CCDC171: variants seen among roughly 807,000 people sequenced by gnomAD.
CCDC171 encodes the protein coiled-coil domain containing 171.
Under a neutral mutation model 168.2 loss-of-function variants are expected in CCDC171, and 177 were observed. The observed-to-expected ratio is 1.05, with a 90% CI of 0.93 to 1.19. The LOEUF is 1.19. CCDC171 is among the 50% of genes most tolerant of loss of function. CCDC171 has a pLI of 0.00. For missense variants in CCDC171, 1,991 were observed against 1,539.0 expected (o/e 1.29, Z -4.91); for synonymous variants, 687 against 540.8 (o/e 1.27, Z -3.75).
chr9:16,088,229 A>T, the CCDC171 span, among the ~76,000 whole-genome samples: 1 of 152,230 alleles, frequency 6.6e-6, no homozygotes, highest in African/African-American at 2.4e-5. Context: ...ATCTCAAAAT[A>T]ATAAGAGCTG....
downstream of CCDC171, among the ~76,000 whole-genome samples, chr9:16,065,365 G>A (rs891934912): frequency 4.6e-5 from 7 of 152,002 alleles, no homozygotes; most frequent in Non-Finnish European, 1.0e-4. Context: ...AAGCTTGTGG[G>A]CCAGCACCTC....
intron 9 of CCDC171, among the ~76,000 whole-genome samples, chr9:15,671,431 G>A (rs1197333876): frequency 5.3e-5 from 8 of 151,916 alleles, no homozygotes; most frequent in Non-Finnish European, 8.8e-5. Context: ...CATGTGCCAC[G>A]TTGGTTTGCT....
chr9:15,584,014 C>G (rs896837561), intron 4 of CCDC171, among the ~76,000 whole-genome samples: 2 of 152,078 alleles, frequency 1.3e-5, no homozygotes, highest in Admixed American at 1.3e-4. Context: ...TTACAGGTGC[C>G]CACCACCACG....
chr9:15,970,508 C>A (rs972867136), intron 25 of CCDC171, among the ~76,000 whole-genome samples: 1 of 151,840 alleles, frequency 6.6e-6, no homozygotes, highest in Non-Finnish European at 1.5e-5. Flanking sequence ...AAAATTATGT[C>A]ATACAATTGA....
intron 16 of CCDC171, among the ~76,000 whole-genome samples, chr9:15,739,622 ATAT>A (rs1481780770): frequency 6.6e-6 from 1 of 152,232 alleles, no homozygotes; most frequent in Non-Finnish European, 1.5e-5. Context: ...AAGCACTATA[ATAT>A]TCAAACTATT....
At chr9:15,601,058 G>A (rs1294669518) in intron 6 of CCDC171, among the ~76,000 whole-genome samples, 4 of 152,192 alleles carry the variant, frequency 2.6e-5, no homozygotes, top group Non-Finnish European at 5.9e-5. Context: ...CTAGGAAAGG[G>A]AATTCCCTGA....
intron 9 of CCDC171, among the ~76,000 whole-genome samples, chr9:15,675,200 T>TG (rs1308102128): frequency 6.9e-6 from 1 of 145,228 alleles, no homozygotes; most frequent in East Asian, 2.0e-4. Context: ...TTTTTTTTTT[T>TG]TTTTTTTTGC....
chr9:15,833,391 G>C (rs2060316134), intron 21 of CCDC171, among the ~76,000 whole-genome samples: 1 of 152,106 alleles, frequency 6.6e-6, no homozygotes, highest in Admixed American at 6.6e-5. Flanking sequence ...GGAAACTGAA[G>C]TGTTCAAATA....
intron 25 of CCDC171, among the ~76,000 whole-genome samples, chr9:15,945,115 T>C (rs1421063529): frequency 6.8e-6 from 1 of 148,058 alleles, no homozygotes; most frequent in African/African-American, 2.5e-5. Context: ...CACCTATGAG[T>C]GAGAATATGC....
chr9:16,088,230 A>G, the CCDC171 span, among the ~76,000 whole-genome samples: 3 of 152,222 alleles, frequency 2.0e-5, no homozygotes, highest in East Asian at 1.9e-4. Context: ...TCTCAAAATA[A>G]TAAGAGCTGT....
intron 12 of CCDC171, among the ~76,000 whole-genome samples, chr9:15,722,864 C>T (rs1239070560): frequency 1.3e-5 from 2 of 152,126 alleles, no homozygotes; most frequent in African/African-American, 4.8e-5. Context: ...AAGTCTTTCC[C>T]AGTGAGACAA....
At chr9:15,637,931 C>G (rs932302243) in intron 7 of CCDC171, among the ~76,000 whole-genome samples, 5 of 152,048 alleles carry the variant, frequency 3.3e-5, no homozygotes, top group African/African-American at 4.8e-5. Flanking sequence ...AATAAACATA[C>G]GTGTGCATGT....
At chr9:15,818,167 G>T (rs1286195972) in intron 21 of CCDC171, among the ~76,000 whole-genome samples, 2 of 116,652 alleles carry the variant, frequency 1.7e-5, no homozygotes, top group Admixed American at 1.6e-4. Flanking sequence ...CAAACAGAAG[G>T]GGACATGCAC....
chr9:16,008,214 A>G (rs1479679465), intron 3 of CCDC171, among the ~76,000 whole-genome samples: 1 of 152,180 alleles, frequency 6.6e-6, no homozygotes, highest in Non-Finnish European at 1.5e-5. Flanking sequence ...TTCAGCTCTT[A>G]CATTTAGGAC....
At chr9:15,880,777 A>C (rs906469649) in intron 24 of CCDC171, among the ~76,000 whole-genome samples, 1 of 152,064 alleles carries the variant, frequency 6.6e-6, no homozygotes, top group African/African-American at 2.4e-5. Flanking sequence ...CACCCAGCCC[A>C]AAATAAAAAT....
intron 24 of CCDC171, among the ~76,000 whole-genome samples, chr9:15,901,454 T>C (rs560498038): frequency 3.9e-5 from 6 of 152,212 alleles, no homozygotes; most frequent in Non-Finnish European, 7.3e-5. Flanking sequence ...AGAGCATGTA[T>C]GGGAACTCTC....
intron 6 of CCDC171, among the ~76,000 whole-genome samples, chr9:15,597,981 C>T (rs759516494): frequency 3.3e-5 from 5 of 151,966 alleles, no homozygotes; most frequent in African/African-American, 7.2e-5. Flanking sequence ...TTTGTGGGAT[C>T]GGTGGTGATA....
upstream of CCDC171, among the ~76,000 whole-genome samples, chr9:16,039,463 G>A (rs1012208390): frequency 1.3e-5 from 2 of 152,190 alleles, no homozygotes; most frequent in Admixed American, 1.3e-4. Flanking sequence ...TAGAATGTAG[G>A]CTAAATGGCT....
At chr9:15,724,238 A>C (rs1436911800) in intron 13 of CCDC171, among the ~76,000 whole-genome samples, 1 of 152,164 alleles carries the variant, frequency 6.6e-6, no homozygotes, top group Non-Finnish European at 1.5e-5. Context: ...AATTATGCTG[A>C]GTCAACTCTC....
Sources: allele counts gnomAD v4.1 joint callset (sites outside exome capture counted in the v4.1 genomes callset), GRCh38; gene constraint gnomAD v4.1.1; transcripts MANE v1.5; gene names NCBI Gene and HGNC (gene_info 2026-07-23, HGNC 2026-07-21).